The following ARHGEF17 variants were observed in gnomAD, a reference collection of about 807,000 sequenced individuals.
ARHGEF17 encodes 164 kDa Rho-specific guanine-nucleotide exchange factor.
Under a neutral mutation model 174.0 loss-of-function variants are expected in ARHGEF17, and 80 were observed. The observed-to-expected ratio is 0.46, with a 90% CI of 0.38 to 0.55. The LOEUF (loss-of-function observed/expected upper bound fraction) is 0.55. ARHGEF17 is among the 20% of genes least tolerant of loss of function. The pLI is 0.00. For synonymous variants in ARHGEF17, 1,311 were observed against 1,189.1 expected (o/e 1.10, Z -2.11); for missense variants, 2,886 against 2,839.7 (o/e 1.02, Z -0.37).
Position 73,367,898 on chromosome 11 carries a change from C to A in ARHGEF17, c.*118C>A. The A allele has an allele frequency of 9.0e-7, 1 of 1,105,234 alleles. No homozygotes were observed. Among genetic ancestry groups the A allele is most frequent in the Non-Finnish European group, 1.3e-6 (1 of 786,772 alleles). The allele number at this position is 1,105,234 out of a possible 1,614,324, so 68.5% of individuals were successfully genotyped here. A position where few individuals can be genotyped will look rare whatever the true frequency, so the allele number is the denominator to read the frequency against. On this transcript the variant is annotated 3_prime_UTR_variant, in exon 21 of 21. Coordinates refer to ENST00000263674, the MANE Select transcript of ARHGEF17 (RefSeq NM_014786.4). ...CCAGCCAGGGGCACACATGTGCCTGCGTGGGCTCTGCCTTGTCTTCGCGGA... is the reference window on the plus strand; with the variant it reads ...CCAGCCAGGGGCACACATGTGCCTGAGTGGGCTCTGCCTTGTCTTCGCGGA...
At chr11:73,323,175 A>T (rs538022336) in intron 1 of ARHGEF17, among the ~76,000 whole-genome samples, 42 of 152,262 alleles carry the variant, frequency 2.8e-4, no homozygotes, top group South Asian at 4.1e-4. Context: ...GCTCCAGGCC[A>T]CACCTGCAGT....
Position 73,311,320 on chromosome 11 carries a change from TC to T in ARHGEF17, c.2687del (p.Pro896LeufsTer22). 6.2e-7 allele frequency: 1 copy of T among 1,612,880 alleles called. No individual in the cohort carries two copies. The highest frequency in any genetic ancestry group is 8.5e-7 in the Non-Finnish European group (1 of 1,179,974). ...AAAGGGCCCTACCTGAGGCTCTGCC[TC>T]CCCCTGCCACTGCCCACCGAAACTT... Reference protein sequence around the residue: ...SERALPEALPPPATAHRNFHL... With the variant: ...SERALPEALPXPATAHRNFHL... On this transcript the variant is annotated frameshift_variant, in exon 1 of 21. Coordinates refer to ENST00000263674, the MANE Select transcript of ARHGEF17 (RefSeq NM_014786.4). LOFTEE classifies it high-confidence loss of function.
intron 1 of ARHGEF17, among the ~76,000 whole-genome samples, chr11:73,329,782 T>C (rs548673947): frequency 5.9e-5 from 9 of 152,290 alleles, no homozygotes; most frequent in Admixed American, 3.9e-4. Context: ...TATTTAGGTT[T>C]TTTCAGTCTT....
chr11:73,340,335 T>C lies in ARHGEF17; in HGVS notation c.3193-6548T>C, dbSNP rs1047927956. 2.0e-5 allele frequency among the ~76,000 whole-genome samples: 3 copies of C among 152,158 alleles called. No individual in the cohort carries two copies. The East Asian group carries it at 5.8e-4, about 29-fold the overall frequency. On this transcript the variant is annotated intron_variant, in intron 1 of 20. Transcript: ENST00000263674. ...CGCCCCCTTCTTGGGGGCAGGGCCT[T>C]TCAGTGAACTCTGTCTTCTGGGCAC...
At chr11:73,331,856 T>C (rs1160461730) in intron 1 of ARHGEF17, among the ~76,000 whole-genome samples, 1 of 152,040 alleles carries the variant, frequency 6.6e-6, no homozygotes, top group African/African-American at 2.4e-5. Context: ...GATTTTTGAA[T>C]GGGAGGTGGA....
chr11:73,364,032 C>G lies in ARHGEF17; in HGVS notation c.5334-140C>G, dbSNP rs1382115329. On this transcript the variant is annotated intron_variant, in intron 16 of 20. Transcript: ENST00000263674. Reference sequence around the variant, plus strand: ...GTCACCCCCTTTTCTTAGCCTCAGGCAACCCCCACCTGGAGAACAAGGGGT... The same window carrying G: ...GTCACCCCCTTTTCTTAGCCTCAGGGAACCCCCACCTGGAGAACAAGGGGT... 51 of 1,076,320 alleles carry G rather than the reference C, an allele frequency of 4.7e-5. No individual in the cohort carries two copies. The Admixed American group carries it at 8.9e-4, about 19-fold the overall frequency. 66.7% of individuals were successfully genotyped at this position (1,076,320 alleles called of 1,614,324 possible).
rs1865159001 is a variant in ARHGEF17, at chr11:73,329,354, TATATATATA to T, written c.3192+17525_3193-17520del. Among the ~76,000 whole-genome samples the T allele has an allele frequency of 1.9e-4, 8 of 41,346 alleles. 1 individual carries two copies. The highest frequency in any genetic ancestry group is 5.7e-4 in the East Asian group (1 of 1,764). The allele number at this position is 41,346 out of a possible 152,430, so 27.1% of individuals were successfully genotyped here. On this transcript the variant is annotated intron_variant, in intron 1 of 20. Coordinates refer to ENST00000263674, the MANE Select transcript of ARHGEF17 (RefSeq NM_014786.4). ...ATATATATATATATATATATATATA[TATATATATA>T]TATATATATATTTTTTTTTTTTTTT...
Position 73,362,723 on chromosome 11 carries a change from C to T in ARHGEF17, c.4985C>T (p.Ser1662Phe). The change falls in exon 14 of 21, where the codon TCC (serine) becomes TTC (phenylalanine). Residue 1662 changes from serine to phenylalanine, a missense_variant. Ser to Phe is a radical substitution (Grantham distance 155). Around this residue, in one of 4 missense-constraint regions of ARHGEF17, gnomAD observed 476 missense variants for 473.1 expected, o/e 1.01. Coordinates refer to ENST00000263674, the MANE Select transcript of ARHGEF17 (RefSeq NM_014786.4). Reference protein sequence around the residue: ...QSQASRSTISSSFGNEETPSS... With the variant: ...QSQASRSTISFSFGNEETPSS... ...CAGGCCAGCCGGTCCACCATCTCCT[C>T]CAGCTTTGGCAGTGAGCTTTGGCCA... 6.2e-7 allele frequency: 1 copy of T among 1,602,674 alleles called. No homozygotes were observed. Among genetic ancestry groups the T allele is most frequent in the Non-Finnish European group, 8.5e-7 (1 of 1,176,414 alleles).
Position 73,364,253 on chromosome 11 carries a change from C to G in ARHGEF17, c.5401+14C>G, listed in dbSNP as rs1381331691. 7.4e-6 allele frequency: 12 copies of G among 1,613,608 alleles called. No individual in the cohort carries two copies. Among genetic ancestry groups the G allele is most frequent in the Non-Finnish European group, 1.0e-5 (12 of 1,179,660 alleles). On this transcript the variant is annotated intron_variant, in intron 17 of 20. Coordinates refer to ENST00000263674, the MANE Select transcript of ARHGEF17 (RefSeq NM_014786.4). ...AAAGGGAAGCAGGTGAGTATCTGCC[C>G]TCCCCCACACCCTGCCCCTGTCCCC...
chr11:73,359,194 C>T (rs1433649184), intron 9 of ARHGEF17, among the ~76,000 whole-genome samples: 1 of 152,210 alleles, frequency 6.6e-6, no homozygotes, highest in Non-Finnish European at 1.5e-5. Context: ...GGAAAAGAAA[C>T]TCATTTAGGA....
chr11:73,335,436 C>G (rs1214586890), intron 1 of ARHGEF17, among the ~76,000 whole-genome samples: 1 of 152,156 alleles, frequency 6.6e-6, no homozygotes, highest in Non-Finnish European at 1.5e-5. Context: ...AGCCCCACCT[C>G]CTGCTTCCCG....
At position 73,361,094 on chromosome 11, in the gene ARHGEF17, G is replaced by A; in HGVS notation, c.4427G>A (p.Ser1476Asn). The change falls in exon 12 of 21, where the codon AGC (serine) becomes AAC (asparagine). Residue 1476 changes from serine to asparagine, a missense_variant. Around this residue, in one of 4 missense-constraint regions of ARHGEF17, gnomAD observed 476 missense variants for 473.1 expected, o/e 1.01. Coordinates refer to ENST00000263674, the MANE Select transcript of ARHGEF17 (RefSeq NM_014786.4). The stretch of plus-strand genomic sequence containing the variant: ...CTGTCCATCTCCACTACAGCATCCA[G>A]CAAAAGCTGTCTAGACCCTGAGTTC... ...FDEAKRKLAS[S>N]KSCLDPEFLK... 1 of 1,613,982 alleles carries A rather than the reference G, an allele frequency of 6.2e-7. No homozygotes were observed.
In ARHGEF17 at chr11:73,365,490, G is replaced by C. The variant is rs199726713; in HGVS notation, c.5651G>C (p.Cys1884Ser). 452 of 1,613,962 alleles carry C rather than the reference G, an allele frequency of 2.8e-4. No individual in the cohort carries two copies. Among genetic ancestry groups the C allele is most frequent in the Non-Finnish European group, 3.6e-4 (422 of 1,180,028 alleles). Reference sequence around the variant, plus strand: ...ACATTGAAAGGTAGTGCCCACGTGTGTCTCTACCATCCAGACACCTTTGAG... The same window carrying C: ...ACATTGAAAGGTAGTGCCCACGTGTCTCTCTACCATCCAGACACCTTTGAG... ...WVTLKGSAHV[C>S]LYHPDTFEQL... The change falls in exon 19 of 21, where the codon TGT becomes TCT. Residue 1884 changes from cysteine to serine, a missense_variant. Physicochemically the swap from Cys to Ser is moderately radical, Grantham distance 112. Around this residue, in one of 4 missense-constraint regions of ARHGEF17, gnomAD observed 329 missense variants for 435.2 expected, o/e 0.76. Coordinates refer to ENST00000263674, the MANE Select transcript of ARHGEF17 (RefSeq NM_014786.4). This position sits in a 1 kb window ranked among gnomAD's most constrained non-coding sequence, Gnocchi z 4.9.
At chr11:73,341,958 A>AG (rs1408154691) in intron 1 of ARHGEF17, among the ~76,000 whole-genome samples, 2 of 151,894 alleles carry the variant, frequency 1.3e-5, no homozygotes, top group African/African-American at 4.8e-5. Flanking sequence ...GCTGGGTGGG[A>AG]GCTGGTGCAA....
At chr11:73,327,811 G>C (rs1865126683) in intron 1 of ARHGEF17, among the ~76,000 whole-genome samples, 1 of 151,966 alleles carries the variant, frequency 6.6e-6, no homozygotes, top group South Asian at 2.1e-4. Flanking sequence ...ACATTCAGCT[G>C]GGTTAGTGTA....
chr11:73,319,050 A>C (rs1591722257), intron 1 of ARHGEF17, among the ~76,000 whole-genome samples: 5 of 142,796 alleles, frequency 3.5e-5, no homozygotes, highest in African/African-American at 7.8e-5. Context: ...CTCACCCCGT[A>C]CCTCCTTCCT....
intron 2 of ARHGEF17, among the ~76,000 whole-genome samples, chr11:73,350,930 G>A (rs554731902): frequency 6.6e-6 from 1 of 152,268 alleles, no homozygotes; most frequent in South Asian, 2.1e-4. Flanking sequence ...AGATGCCCCA[G>A]TGCTGGGCAG....
At chr11:73,354,581 G>T (rs375865331) in intron 3 of ARHGEF17, among the ~76,000 whole-genome samples, 17 of 152,278 alleles carry the variant, frequency 1.1e-4, no homozygotes, top group South Asian at 8.3e-4. Context: ...GGGCGTGGTG[G>T]CATGCACCTG....
In ARHGEF17 at chr11:73,341,406, A is replaced by C. The variant is rs182471630; in HGVS notation, c.3193-5477A>C. The stretch of plus-strand genomic sequence containing the variant: ...ACCTCAACCTCCGCCTCCCGGGTTC[A>C]AGCTATTCTCCTGCCTCAGCCTCCC... On this transcript the variant is annotated intron_variant, in intron 1 of 20. Coordinates refer to ENST00000263674, the MANE Select transcript of ARHGEF17 (RefSeq NM_014786.4). 6.4e-4 allele frequency among the ~76,000 whole-genome samples: 98 copies of C among 152,182 alleles called. No homozygotes were observed. The East Asian group carries it at 0.015, about 23-fold the overall frequency.
Sources: gnomAD v4.1 joint callset for allele counts (sites outside exome capture counted in the v4.1 genomes callset) on GRCh38, gnomAD v4.1.1 for gene constraint, gnomAD v4.1.1 regional missense constraint, Gnocchi (gnomAD v3.1) non-coding constraint, MANE v1.5 for transcripts, NCBI Gene and HGNC (gene_info 2026-07-23, HGNC 2026-07-21) for gene names.